ELMO1: variants seen among roughly 807,000 people sequenced by gnomAD.
ELMO1 encodes the protein engulfment and cell motility 1.
A neutral mutation model predicts 98.9 loss-of-function variants in ELMO1; 26 were observed. That is an observed-to-expected ratio of 0.26 (90% confidence interval 0.19 to 0.36). ELMO1 has a LOEUF of 0.36. Ranked by LOEUF, ELMO1 falls within the 10% of genes least tolerant of loss-of-function variation. The pLI, the probability that ELMO1 is intolerant of heterozygous loss-of-function variation, is 1.00. For missense variants in ELMO1, 627 were observed against 935.2 expected (o/e 0.67, Z 4.30); for synonymous variants, 346 against 346.0 (o/e 1.00, Z 0.00).
At chr7:37,136,033 C>G (rs563775338) in intron 13 of ELMO1, among the ~76,000 whole-genome samples, 3 of 152,076 alleles carry the variant, frequency 2.0e-5, no homozygotes, top group African/African-American at 4.8e-5. Flanking sequence ...TAAAAACAAT[C>G]AGAACTTCTG....
At chr7:36,871,069 C>A (rs1360919519) in intron 19 of ELMO1, among the ~76,000 whole-genome samples, 1 of 152,238 alleles carries the variant, frequency 6.6e-6, no homozygotes, top group Non-Finnish European at 1.5e-5. Context: ...CCCTGTTTTA[C>A]AGACAACAAA....
chr7:37,086,298 G>C (rs140942832), intron 15 of ELMO1, among the ~76,000 whole-genome samples: 1,633 of 150,012 alleles, frequency 0.011, 28 homozygotes, highest in African/African-American at 0.033. Context: ...AATTTTTTTG[G>C]CTAAAAGAAA....
At chr7:37,369,953 CTTT>C (rs1367361946) in intron 1 of ELMO1, among the ~76,000 whole-genome samples, 2 of 152,104 alleles carry the variant, frequency 1.3e-5, no homozygotes, top group African/African-American at 4.8e-5. Flanking sequence ...CTGGCTCTCT[CTTT>C]AAGTTCCCTT....
intron 13 of ELMO1, among the ~76,000 whole-genome samples, chr7:37,174,465 G>A (rs1584763550): frequency 1.3e-5 from 2 of 152,312 alleles, no homozygotes; most frequent in East Asian, 3.9e-4. Flanking sequence ...TGTGCCTAAA[G>A]AGGAAAGGGT....
Position 37,169,198 on chromosome 7 carries a change from G to A in ELMO1, c.1087-35964C>T, listed in dbSNP as rs556362782. On this transcript the variant is annotated intron_variant, in intron 13 of 21. Coordinates refer to ENST00000310758, the MANE Select transcript of ELMO1 (RefSeq NM_014800.11). ...CGTTTTTTAAGCCTGTTGGAAAAGCGCAGTATTCGGGTGGGAATGACCCGA... is the reference window on the plus strand; with the variant it reads ...CGTTTTTTAAGCCTGTTGGAAAAGCACAGTATTCGGGTGGGAATGACCCGA... 1.3e-3 allele frequency among the ~76,000 whole-genome samples: 202 copies of A among 152,258 alleles called. 1 individual carries two copies. Among genetic ancestry groups the A allele is most frequent in the Non-Finnish European group, 2.4e-3 (162 of 68,030 alleles).
chr7:37,273,463 T>C (rs530313649), intron 4 of ELMO1, among the ~76,000 whole-genome samples: 28 of 152,354 alleles, frequency 1.8e-4, no homozygotes, highest in African/African-American at 6.7e-4. Context: ...CCATGATTGT[T>C]AAGTTTTTTG....
chr7:37,259,481 C>G (rs977728276), intron 5 of ELMO1, 131 bp from the exon 6 acceptor site: 2 of 998,202 alleles, frequency 2.0e-6, no homozygotes, highest in African/African-American at 3.3e-5. Context: ...ACAGAGTGGG[C>G]ATCTCAACGA....
At chr7:37,339,470 G>A (rs1464470710) in intron 2 of ELMO1, among the ~76,000 whole-genome samples, 1 of 152,214 alleles carries the variant, frequency 6.6e-6, no homozygotes, top group East Asian at 1.9e-4. Context: ...CAGCTATCCA[G>A]GCTAAAAAGA....
At chr7:37,259,025 C>A (rs1454769719) in intron 6 of ELMO1, among the ~76,000 whole-genome samples, 156 bp downstream of exon 6, 1 of 151,332 alleles carries the variant, frequency 6.6e-6, no homozygotes, top group Non-Finnish European at 1.5e-5. Flanking sequence ...AATTACAAAC[C>A]CACTGCCTCG....
chr7:37,138,760 G>A (rs1787430310), intron 13 of ELMO1, among the ~76,000 whole-genome samples: 1 of 151,990 alleles, frequency 6.6e-6, no homozygotes. Flanking sequence ...AACCAGGGAA[G>A]GACATCATAA....
In ELMO1 at chr7:37,166,645, T is replaced by G. The variant is rs559653334; in HGVS notation, c.1087-33411A>C. 7.0e-3 allele frequency among the ~76,000 whole-genome samples: 1,071 copies of G among 152,256 alleles called. 7 individuals are homozygous for G. The highest frequency in any genetic ancestry group is 0.011 in the Non-Finnish European group (747 of 68,008). ...TGTTCAGTTTCCATGTAGTTGAGCG[T>G]TTTTGAGTGAGTTTCTTAATCCTGA... On this transcript the variant is annotated intron_variant, in intron 13 of 21. Transcript: ENST00000310758.
chr7:37,002,107 T>C (rs1057338341), intron 16 of ELMO1: 1 of 152,228 alleles, frequency 6.6e-6, no homozygotes, highest in African/African-American at 2.4e-5. Flanking sequence ...TTTCAAGCTC[T>C]GTGGGCTGAC....
chr7:36,970,674 A>C (rs1449891433), intron 16 of ELMO1, among the ~76,000 whole-genome samples: 1 of 152,226 alleles, frequency 6.6e-6, no homozygotes, highest in Non-Finnish European at 1.5e-5. Flanking sequence ...AAGTGACAAA[A>C]TGACCACACT....
At chr7:36,928,974 T>C (rs1026153385) in intron 16 of ELMO1, among the ~76,000 whole-genome samples, 3 of 152,206 alleles carry the variant, frequency 2.0e-5, no homozygotes, top group African/African-American at 7.2e-5. Context: ...CCATCACCTA[T>C]GGAAGTTTTA....
chr7:36,987,582 C>G (rs1354239775), intron 16 of ELMO1, among the ~76,000 whole-genome samples: 4 of 152,160 alleles, frequency 2.6e-5, no homozygotes, highest in African/African-American at 9.7e-5. Flanking sequence ...CCGTAATGAC[C>G]CAGATGAGGC....
At chr7:37,225,115 A>G in intron 8 of ELMO1, 85 bp from the exon 9 acceptor site, 6 of 1,535,356 alleles carry the variant, frequency 3.9e-6, no homozygotes, top group Non-Finnish European at 5.3e-6. Context: ...TCAAATCGGG[A>G]ACTCATTTAA....
intron 4 of ELMO1, among the ~76,000 whole-genome samples, chr7:37,285,268 G>C (rs1404456264): frequency 5.3e-5 from 8 of 152,198 alleles, no homozygotes; most frequent in Admixed American, 3.3e-4. Context: ...TTCTGCAACA[G>C]CTTCTTCTGG....
intron 16 of ELMO1, among the ~76,000 whole-genome samples, chr7:36,980,727 G>A (rs997600336): frequency 6.6e-6 from 1 of 152,162 alleles, no homozygotes; most frequent in African/African-American, 2.4e-5. Context: ...GTGATGTTCA[G>A]CTATTTCCCA....
At chr7:37,231,218 G>A (rs1450353203) in intron 8 of ELMO1, among the ~76,000 whole-genome samples, 1 of 152,068 alleles carries the variant, frequency 6.6e-6, no homozygotes. Flanking sequence ...ATAAAACATA[G>A]TGCGGACATG....
Sources: allele counts gnomAD v4.1 joint callset (sites outside exome capture counted in the v4.1 genomes callset), GRCh38; gene constraint gnomAD v4.1.1; transcripts MANE v1.5; gene names NCBI Gene and HGNC (gene_info 2026-07-23, HGNC 2026-07-21).